Variants in LCP2 observed in about 807,000 individuals in gnomAD.
LCP2 encodes the protein lymphocyte cytosolic protein 2, also known as 76 kDa tyrosine phosphoprotein.
LCP2 carries 29 observed loss-of-function variants against 74.5 expected under a neutral mutation model. That is an observed-to-expected ratio of 0.39 (90% CI 0.29 to 0.53). The LOEUF (loss-of-function observed/expected upper bound fraction) is 0.53, where lower values mean the gene tolerates loss of function less well. LCP2 is among the 20% of genes least tolerant of loss of function. The pLI, the probability that LCP2 is intolerant of heterozygous loss-of-function variation, is 0.72. For synonymous variants in LCP2, 228 were observed against 229.5 expected, an observed-to-expected ratio of 0.99 and a Z score of 0.06; for missense variants, 604 against 634.6, an observed-to-expected ratio of 0.95 and a Z score of 0.52.
At chr5:170,261,761 C>T (rs920972855) in intron 13 of LCP2, among the ~76,000 whole-genome samples, 6 of 152,200 alleles carry the variant, frequency 3.9e-5, no homozygotes, top group Admixed American at 3.3e-4. Context: ...GGCATCTGCA[C>T]TGCCTGGGCC....
At chr5:170,258,585 A>G in intron 15 of LCP2, 1 of 393,534 alleles carries the variant, frequency 2.5e-6, no homozygotes, top group Non-Finnish European at 4.6e-6. Flanking sequence ...CATAAATGTG[A>G]GAAATGTTTC....
chr5:170,277,334 G>A (rs796867606), intron 3 of LCP2, among the ~76,000 whole-genome samples: 2 of 152,036 alleles, frequency 1.3e-5, no homozygotes, highest in Non-Finnish European at 2.9e-5. Context: ...TGACCATCTC[G>A]AAGTAACAAG....
At position 170,290,964 on chromosome 5, in the gene LCP2, G is replaced by T. The variant is rs1477110951; in HGVS notation, c.141+2346C>A. ...GAAAGAAAGAAAGAAAAGAAAGAAA[G>T]AAAGAAAGAAAGAAAGAAAGAAAGA... On this transcript the variant is annotated intron_variant, in intron 2 of 20. Transcript: ENST00000046794. Among the ~76,000 whole-genome samples, 8 of 38,096 alleles carry T rather than the reference G, an allele frequency of 2.1e-4. No homozygotes were observed. In the South Asian group the frequency reaches 2.9e-3, roughly 14 times the overall value. 25.0% of individuals were successfully genotyped at this position (38,096 alleles called of 152,430 possible).
intron 19 of LCP2, chr5:170,251,162 T>C (rs530694879): frequency 5.1e-5 from 17 of 330,878 alleles, no homozygotes; most frequent in African/African-American, 3.4e-4. Context: ...AAAAACGGAA[T>C]CTTTTGTTCA....
At chr5:170,272,592 A>ATTTTTT (rs1761913090) in intron 6 of LCP2, among the ~76,000 whole-genome samples, 22 of 34,278 alleles carry the variant, frequency 6.4e-4, no homozygotes, top group Non-Finnish European at 1.4e-3. Context: ...CCCATCAAAT[A>ATTTTTT]TTTTCTTTTT....
chr5:170,290,957 AAAGAAAGAAAGAAAG>A (rs1762279086), intron 2 of LCP2, among the ~76,000 whole-genome samples: 3 of 22,626 alleles, frequency 1.3e-4, no homozygotes, highest in Non-Finnish European at 2.3e-4. Flanking sequence ...GAAAGAAAAG[AAAGAAAGAAAGAAAG>A]AAAGAAAGAA....
chr5:170,274,828 G>T (rs1438142433), intron 5 of LCP2, among the ~76,000 whole-genome samples: 1 of 151,878 alleles, frequency 6.6e-6, no homozygotes, highest in Non-Finnish European at 1.5e-5. Context: ...TACAAAAAAA[G>T]TAGCTGGGCA....
chr5:170,282,704 C>G (rs941803525), intron 3 of LCP2, among the ~76,000 whole-genome samples: 8 of 152,196 alleles, frequency 5.3e-5, no homozygotes, highest in African/African-American at 1.7e-4. Context: ...CCCTAATTTT[C>G]CCATTAACCC....
Position 170,256,489 on chromosome 5 carries a change from A to T in LCP2, c.1150+37T>A. ...TTAGGGATCCAGTCATAAAGGCTTG[A>T]TGGCTGAAGCACGTCACAAAAGCCC... On this transcript the variant is annotated intron_variant, in intron 17 of 20. Transcript: ENST00000046794. The surrounding 1 kb of genome is among the most constrained non-coding windows in gnomAD (Gnocchi z 4.5). The T allele has an allele frequency of 6.4e-7, 1 of 1,566,808 alleles. No homozygotes were observed. Among genetic ancestry groups the T allele is most frequent in the Non-Finnish European group, 8.8e-7 (1 of 1,136,934 alleles).
rs146723568 is a variant in LCP2 at position 170,253,297 on chromosome 5, T to TC, written c.1151-85dup. Reference sequence around the variant, plus strand: ...AAAACACAAAACACATTCCCCCCACTCCCCCAAAAAAATACCCTTGCGATT... The same window carrying TC: ...AAAACACAAAACACATTCCCCCCACTCCCCCCAAAAAAATACCCTTGCGATT... On this transcript the variant is annotated intron_variant, in intron 17 of 20. Coordinates refer to ENST00000046794, the MANE Select transcript of LCP2 (RefSeq NM_005565.5). 2.3e-3 allele frequency: 2,064 copies of TC among 897,040 alleles called. 23 individuals are homozygous for TC. In the African/African-American group the frequency reaches 0.029, roughly 13 times the overall value. 55.6% of individuals were successfully genotyped at this position (897,040 alleles called of 1,614,324 possible). A position where few individuals can be genotyped will look rare whatever the true frequency, so the allele number is the denominator to read the frequency against.
chr5:170,249,207 C>T (rs1475052685), intron 20 of LCP2, among the ~76,000 whole-genome samples: 1 of 151,866 alleles, frequency 6.6e-6, no homozygotes, highest in African/African-American at 2.4e-5. Context: ...CGCCTGTAAT[C>T]CCAGCTGCTT....
At chr5:170,293,268 G>T (rs200439715) in intron 2 of LCP2, 42 bp downstream of exon 2, 2 of 1,579,228 alleles carry the variant, frequency 1.3e-6, no homozygotes, top group Non-Finnish European at 1.7e-6. Context: ...GAAAAGTGCC[G>T]AACAGTCTTG....
chr5:170,265,396 T>C (rs1469152217), intron 10 of LCP2, among the ~76,000 whole-genome samples: 1 of 152,164 alleles, frequency 6.6e-6, no homozygotes, highest in Non-Finnish European at 1.5e-5. Context: ...AACGGACTAA[T>C]TCAAGGGTAA....
At chr5:170,283,039 T>C (rs1438805715) in intron 3 of LCP2, among the ~76,000 whole-genome samples, 1 of 152,226 alleles carries the variant, frequency 6.6e-6, no homozygotes. Context: ...GTCCTTGTTA[T>C]ACATTTCTGC....
intron 10 of LCP2, among the ~76,000 whole-genome samples, chr5:170,265,968 GAATTTAGGCA>G (rs1554140229): frequency 1.3e-5 from 2 of 152,156 alleles, no homozygotes; most frequent in Admixed American, 6.5e-5. Flanking sequence ...ACAAGTGTTC[GAATTTAGGCA>G]AATTTAGGCA....
intron 2 of LCP2, among the ~76,000 whole-genome samples, chr5:170,290,089 A>G (rs2113213187): frequency 6.6e-6 from 1 of 152,242 alleles, no homozygotes; most frequent in East Asian, 1.9e-4. Context: ...TTGAAACAGA[A>G]TTTTTGGAGA....
intron 18 of LCP2, 132 bp downstream of exon 18, chr5:170,252,987 A>G: frequency 1.6e-6 from 1 of 628,616 alleles, no homozygotes; most frequent in Non-Finnish European, 2.8e-6. Flanking sequence ...CTTCTCCTTT[A>G]ACTTTTTTTT....
At position 170,248,399 on chromosome 5, in the gene LCP2, CT is replaced by C. The variant is rs1442192613; in HGVS notation, c.*297del. 6 of 267,856 alleles carry C rather than the reference CT, an allele frequency of 2.2e-5. No individual in the cohort carries two copies. Among genetic ancestry groups the C allele is most frequent in the Middle Eastern group, 1.3e-3 (1 of 798 alleles). 16.6% of individuals were successfully genotyped at this position (267,856 alleles called of 1,614,324 possible). A position where few individuals can be genotyped will look rare whatever the true frequency, so the allele number is the denominator to read the frequency against. ...ATTGTTTCTGTAGCTGTGTAAACTA[CT>C]GTATTTTGAAATGGGCATTAAATAA... On this transcript the variant is annotated 3_prime_UTR_variant, in exon 21 of 21. Coordinates refer to ENST00000046794, the MANE Select transcript of LCP2 (RefSeq NM_005565.5).
chr5:170,293,408 G>A (rs1449215066), intron 1 of LCP2, 36 bp from the exon 2 acceptor site: 9 of 1,552,140 alleles, frequency 5.8e-6, no homozygotes, highest in Non-Finnish European at 7.9e-6. Context: ...TTAGTGACGG[G>A]CAGTCTCTTA....
Sources: allele counts gnomAD v4.1 joint callset (sites outside exome capture counted in the v4.1 genomes callset), GRCh38; gene constraint gnomAD v4.1.1; non-coding constraint Gnocchi (gnomAD v3.1); transcripts MANE v1.5; gene names NCBI Gene and HGNC (gene_info 2026-07-23, HGNC 2026-07-21).